KCNIP1: variants seen among roughly 807,000 people sequenced by gnomAD.
The protein encoded by KCNIP1 is potassium voltage-gated channel interacting protein 1, also known as A-type potassium channel modulatory protein KCNIP1.
Under a neutral mutation model 33.0 loss-of-function variants are expected in KCNIP1, and 18 were observed. The observed-to-expected ratio is 0.55, with a 90% CI of 0.38 to 0.81. The LOEUF is 0.81. KCNIP1 is among the 30% of genes least tolerant of loss of function. The pLI, the probability that KCNIP1 is intolerant of heterozygous loss-of-function variation, is 0.00. For missense variants in KCNIP1, 238 were observed against 271.6 expected, an observed-to-expected ratio of 0.88 and a Z score of 0.87; for synonymous variants, 93 against 98.3, an observed-to-expected ratio of 0.95 and a Z score of 0.32.
chr5:170,437,264 A>G (rs1024386579), intron 1 of KCNIP1, among the ~76,000 whole-genome samples: 1 of 152,148 alleles, frequency 6.6e-6, no homozygotes, highest in African/African-American at 2.4e-5. Context: ...TAAATTCAGG[A>G]AATTCTTTTA....
intron 1 of KCNIP1, among the ~76,000 whole-genome samples, chr5:170,697,578 C>T (rs1227375731): frequency 6.6e-6 from 1 of 152,116 alleles, no homozygotes; most frequent in Admixed American, 6.5e-5. Context: ...GCCCAGTGCC[C>T]CAGCTAGGAA....
intron 1 of KCNIP1, among the ~76,000 whole-genome samples, chr5:170,522,359 G>A (rs1755395931): frequency 1.3e-5 from 2 of 152,208 alleles, no homozygotes; most frequent in Non-Finnish European, 2.9e-5. Flanking sequence ...ATGAGTCTGG[G>A]TTCACCAAGA....
chr5:170,418,751 G>A (rs1171994813), intron 1 of KCNIP1, among the ~76,000 whole-genome samples: 4 of 152,124 alleles, frequency 2.6e-5, no homozygotes, highest in African/African-American at 9.7e-5. Context: ...CCACCTCCTA[G>A]CCTTTGTTCA....
intron 2 of KCNIP1, 79 bp from the exon 3 acceptor site, chr5:170,720,242 C>G (rs112638245): frequency 9.9e-7 from 1 of 1,014,026 alleles, no homozygotes; most frequent in African/African-American, 1.6e-5. Context: ...TGAGGAACCC[C>G]AGACACCAAG....
At chr5:170,403,388 T>A (rs531169573) in intron 1 of KCNIP1, among the ~76,000 whole-genome samples, 1 of 152,352 alleles carries the variant, frequency 6.6e-6, no homozygotes, top group South Asian at 2.1e-4. Context: ...TATGTGTTTA[T>A]GGAAAAGCAG....
Position 170,508,189 on chromosome 5 carries a change from T to C in KCNIP1, c.61+3556T>C, listed in dbSNP as rs542348164. Among the ~76,000 whole-genome samples, 5 of 152,310 alleles carry C rather than the reference T, an allele frequency of 3.3e-5. No individual in the cohort carries two copies. In the East Asian group the frequency reaches 9.6e-4, roughly 29 times the overall value. ...GGGTGGCTGGGTTAGAAATCCTCCA[T>C]GACCGAGTGCAAGCATGCAGAACTT... On this transcript the variant is annotated intron_variant, in intron 1 of 7. Coordinates refer to ENST00000328939, the MANE Select transcript of KCNIP1 (RefSeq NM_014592.4).
At chr5:170,519,699 T>C (rs1020942162) in intron 1 of KCNIP1, among the ~76,000 whole-genome samples, 1 of 152,120 alleles carries the variant, frequency 6.6e-6, no homozygotes, top group Non-Finnish European at 1.5e-5. Context: ...GGAGTTGATT[T>C]ATTATTCTCC....
intron 1 of KCNIP1, among the ~76,000 whole-genome samples, chr5:170,369,040 A>G (rs574518581): frequency 1.3e-5 from 2 of 152,248 alleles, no homozygotes; most frequent in Non-Finnish European, 2.9e-5. Flanking sequence ...AAGGGGAGGC[A>G]TGCTTACAAT....
chr5:170,569,540 C>T (rs1489272257), intron 1 of KCNIP1, among the ~76,000 whole-genome samples: 4 of 152,194 alleles, frequency 2.6e-5, no homozygotes, highest in Admixed American at 2.6e-4. Context: ...TAGTACTTCA[C>T]TCATAGGATT....
chr5:170,354,904 G>A (rs930013920), intron 1 of KCNIP1, among the ~76,000 whole-genome samples: 1 of 152,220 alleles, frequency 6.6e-6, no homozygotes, highest in Non-Finnish European at 1.5e-5. Context: ...AGTCTTTGGG[G>A]GCTGGGGAGA....
At chr5:170,417,605 G>T (rs575833334) in intron 1 of KCNIP1, among the ~76,000 whole-genome samples, 5 of 152,112 alleles carry the variant, frequency 3.3e-5, no homozygotes, top group African/African-American at 9.7e-5. Context: ...CCCTCTTGTC[G>T]TCTGGGTTCT....
intron 1 of KCNIP1, among the ~76,000 whole-genome samples, chr5:170,495,945 G>A (rs930897668): frequency 3.3e-5 from 5 of 152,168 alleles, no homozygotes; most frequent in African/African-American, 1.2e-4. Context: ...AATTGCAGCA[G>A]CAGCAATGCT....
chr5:170,734,686 CAAG>C (rs1764320257), intron 7 of KCNIP1, among the ~76,000 whole-genome samples: 2 of 152,196 alleles, frequency 1.3e-5, no homozygotes, highest in East Asian at 1.9e-4. Context: ...GAGCTCCAGC[CAAG>C]AAGAATAGCA....
Position 170,620,040 on chromosome 5 carries a change from G to A in KCNIP1, c.62-98718G>A, listed in dbSNP as rs189606830. ...CTTACTAACTTCAAGAGTGTTATGA[G>A]CTACAAACTTCTCAGTCTCCGTTGA... On this transcript the variant is annotated intron_variant, in intron 1 of 7. Transcript: ENST00000328939. Among the ~76,000 whole-genome samples, 354 of 152,292 alleles carry A rather than the reference G, an allele frequency of 2.3e-3. 1 individual carries two copies. The highest frequency in any genetic ancestry group is 3.8e-3 in the Non-Finnish European group (260 of 68,030).
At chr5:170,509,795 C>T (rs1021618830) in intron 1 of KCNIP1, among the ~76,000 whole-genome samples, 1 of 152,120 alleles carries the variant, frequency 6.6e-6, no homozygotes, top group Non-Finnish European at 1.5e-5. Flanking sequence ...CAAGAAGAGT[C>T]CTGGTAATTT....
At chr5:170,590,811 C>T (rs750044144) in intron 1 of KCNIP1, among the ~76,000 whole-genome samples, 2 of 152,222 alleles carry the variant, frequency 1.3e-5, no homozygotes. Context: ...CAGTGCAGCT[C>T]AGAGTGGATG....
At chr5:170,383,588 T>A (rs768979361) in intron 1 of KCNIP1, 2 of 1,442,738 alleles carry the variant, frequency 1.4e-6, no homozygotes, top group South Asian at 2.4e-5. Flanking sequence ...TGGGTTGATC[T>A]TTCTCAGCCT....
intron 1 of KCNIP1, among the ~76,000 whole-genome samples, chr5:170,533,775 T>G (rs7737732): frequency 0.28 from 43,226 of 152,104 alleles, 9,131 homozygotes; most frequent in African/African-American, 0.6. Context: ...TGTGAACCAA[T>G]ATCAGATTTC....
intron 1 of KCNIP1, among the ~76,000 whole-genome samples, chr5:170,572,154 G>A (rs1462081850): frequency 1.3e-5 from 2 of 152,168 alleles, no homozygotes; most frequent in East Asian, 1.9e-4. Context: ...ATGTGAACCA[G>A]TGCAGCCAGA....
Sources: gnomAD v4.1 joint callset for allele counts (sites outside exome capture counted in the v4.1 genomes callset) on GRCh38, gnomAD v4.1.1 for gene constraint, MANE v1.5 for transcripts, NCBI Gene and HGNC (gene_info 2026-07-23, HGNC 2026-07-21) for gene names.